Variants in ULK4 observed in about 807,000 individuals in gnomAD.
ULK4 encodes the protein inactive serine/threonine-protein kinase ULK4.
ULK4 carries 133 observed loss-of-function variants against 160.6 expected under a neutral mutation model. The observed-to-expected ratio is 0.83, with a 90% CI of 0.72 to 0.96. ULK4 has a LOEUF of 0.96. Among genes scored for constraint, ULK4 ranks in the 40% least tolerant of loss-of-function variants. The probability of loss-of-function intolerance (pLI) is 0.00; values close to 1 mark genes in which losing one functional copy is unlikely to be tolerated. For synonymous variants in ULK4, 534 were observed against 539.8 expected (o/e 0.99, Z 0.15); for missense variants, 1,580 against 1,499.5 (o/e 1.05, Z -0.89).
intron 35 of ULK4, among the ~76,000 whole-genome samples, chr3:41,382,776 C>T (rs1005820628): frequency 6.6e-6 from 1 of 152,060 alleles, no homozygotes; most frequent in Non-Finnish European, 1.5e-5. Context: ...TACTCTTTAT[C>T]TTTATATTTT....
Position 41,897,016 on chromosome 3 carries a change from G to A in ULK4, c.1349-13C>T. On this transcript the variant is annotated splice_polypyrimidine_tract_variant and intron_variant, in intron 14 of 36. Transcript: ENST00000301831. The stretch of plus-strand genomic sequence containing the variant: ...AATAACTTATCCACTGCGATGGAAA[G>A]AAAATAATAAAAGTACATATGATGA... 1 of 1,590,250 alleles carries A rather than the reference G, an allele frequency of 6.3e-7. No individual in the cohort carries two copies.
chr3:41,255,839 G>A (rs934122674), intron 35 of ULK4, among the ~76,000 whole-genome samples: 8 of 152,268 alleles, frequency 5.3e-5, no homozygotes, highest in Non-Finnish European at 1.2e-4. Context: ...GGGACACACA[G>A]GTTCTATACA....
At chr3:41,357,065 G>A (rs1027690577) in intron 35 of ULK4, among the ~76,000 whole-genome samples, 1 of 152,154 alleles carries the variant, frequency 6.6e-6, no homozygotes, top group Non-Finnish European at 1.5e-5. Flanking sequence ...GCAACCACTG[G>A]AGGGTGTTGG....
chr3:41,764,979 C>A (rs1156952462), intron 21 of ULK4, among the ~76,000 whole-genome samples: 4 of 152,184 alleles, frequency 2.6e-5, no homozygotes, highest in Admixed American at 2.0e-4. Flanking sequence ...CTAGTTCAAC[C>A]ATTGTGGAAG....
At chr3:41,268,954 C>T (rs1456257979) in intron 35 of ULK4, among the ~76,000 whole-genome samples, 1 of 152,118 alleles carries the variant, frequency 6.6e-6, no homozygotes, top group Middle Eastern at 3.2e-3. Flanking sequence ...CGAAGGCCCA[C>T]CCTCAGCTGC....
chr3:41,609,205 T>C (rs2032543337), intron 31 of ULK4, among the ~76,000 whole-genome samples: 1 of 152,192 alleles, frequency 6.6e-6, no homozygotes, highest in Admixed American at 6.5e-5. Flanking sequence ...TTTATTTGGC[T>C]GATTATGCAG....
At chr3:41,819,364 A>G (rs368998824) in intron 19 of ULK4, 59 bp downstream of exon 19, 991 of 1,508,176 alleles carry the variant, frequency 6.6e-4, no homozygotes, top group South Asian at 1.1e-3. Flanking sequence ...ATCCTCATAC[A>G]GTGCCTGAAG....
chr3:41,278,571 G>A (rs906493249), intron 35 of ULK4, among the ~76,000 whole-genome samples: 3 of 152,140 alleles, frequency 2.0e-5, no homozygotes, highest in Non-Finnish European at 2.9e-5. Flanking sequence ...GTACAGGCAG[G>A]TGCCCCTCTG....
intron 22 of ULK4, among the ~76,000 whole-genome samples, chr3:41,733,230 AATT>A (rs1241288927): frequency 6.6e-6 from 1 of 152,178 alleles, no homozygotes; most frequent in African/African-American, 2.4e-5. Context: ...AAATATGTAC[AATT>A]ATTATGTGTC....
chr3:41,913,461 G>A (rs929074391), intron 8 of ULK4, among the ~76,000 whole-genome samples: 3 of 152,074 alleles, frequency 2.0e-5, no homozygotes, highest in South Asian at 2.1e-4. Context: ...TCCTCACCTC[G>A]TGATCCACCC....
chr3:41,775,165 T>C (rs112301206), intron 21 of ULK4, among the ~76,000 whole-genome samples: 2 of 150,110 alleles, frequency 1.3e-5, no homozygotes, highest in African/African-American at 2.5e-5. Context: ...GGCACATGTA[T>C]ACATATGTAA....
chr3:41,310,595 G>C (rs915962031), intron 35 of ULK4, among the ~76,000 whole-genome samples: 4 of 152,120 alleles, frequency 2.6e-5, no homozygotes, highest in African/African-American at 9.7e-5. Flanking sequence ...GAGATTGTCA[G>C]AGCAGATAAA....
intron 30 of ULK4, among the ~76,000 whole-genome samples, chr3:41,623,513 C>T (rs554114579): frequency 6.6e-6 from 1 of 152,288 alleles, no homozygotes; most frequent in African/African-American, 2.4e-5. Context: ...AGCATATGTA[C>T]ACAATGGAAT....
At position 41,663,590 on chromosome 3, in the gene ULK4, A is replaced by ATT. The variant is rs1670155502; in HGVS notation, c.3071+15_3071+16dup. The stretch of plus-strand genomic sequence containing the variant: ...TATAGGTGAGACACAAGAAAAAGAA[A>ATT]TTTGAACTTCCAGTACCTTGTGAAA... On this transcript the variant is annotated intron_variant, in intron 30 of 36. Coordinates refer to ENST00000301831, the MANE Select transcript of ULK4 (RefSeq NM_017886.4). The ATT allele has an allele frequency of 1.6e-5, 26 of 1,606,704 alleles. No individual in the cohort carries two copies. The highest frequency in any genetic ancestry group is 2.2e-5 in the Non-Finnish European group (26 of 1,173,652).
intron 32 of ULK4, among the ~76,000 whole-genome samples, chr3:41,530,250 G>A (rs2086256422): frequency 6.6e-6 from 1 of 151,996 alleles, no homozygotes; most frequent in Non-Finnish European, 1.5e-5. Flanking sequence ...TTAAAACTAT[G>A]AACCCTTAAA....
In ULK4 at chr3:41,593,540, G is replaced by A. The variant is rs545223548; in HGVS notation, c.3120+22129C>T. Among the ~76,000 whole-genome samples, 6 of 152,190 alleles carry A rather than the reference G, an allele frequency of 3.9e-5. No homozygotes were observed. The South Asian group carries it at 6.2e-4, about 16-fold the overall frequency. On this transcript the variant is annotated intron_variant, in intron 31 of 36. Transcript: ENST00000301831. ...GCTGGAACCACACAAAGAGATGACC[G>A]GTCTATAGTTGATAGTTATATTTAC...
intron 22 of ULK4, among the ~76,000 whole-genome samples, chr3:41,738,883 A>G (rs889203827): frequency 1.3e-5 from 2 of 151,958 alleles, no homozygotes; most frequent in African/African-American, 2.4e-5. Flanking sequence ...CAATTCTACA[A>G]GCTGCTGGGC....
intron 5 of ULK4, among the ~76,000 whole-genome samples, chr3:41,931,201 C>T (rs192846869): frequency 6.0e-4 from 92 of 152,082 alleles, no homozygotes; most frequent in South Asian, 1.9e-3. Flanking sequence ...TGAAGCTGGA[C>T]GCCATCATTC....
chr3:41,401,392 G>A (rs2082175650), intron 34 of ULK4, among the ~76,000 whole-genome samples: 1 of 152,124 alleles, frequency 6.6e-6, no homozygotes, highest in South Asian at 2.1e-4. Context: ...TTCTTGGAAA[G>A]GCTATTGTTG....
Sources: allele counts gnomAD v4.1 joint callset (sites outside exome capture counted in the v4.1 genomes callset), GRCh38; gene constraint gnomAD v4.1.1; transcripts MANE v1.5; gene names NCBI Gene and HGNC (gene_info 2026-07-23, HGNC 2026-07-21).